Variants in ARAP1 observed in about 807,000 individuals in gnomAD.
ARAP1 encodes ArfGAP with RhoGAP domain, ankyrin repeat and PH domain 1.
A neutral mutation model predicts 172.2 loss-of-function variants in ARAP1; 76 were observed. The ratio of observed to expected loss-of-function variants is 0.44; its 90% CI spans 0.37 to 0.53. The LOEUF is 0.53. Among genes scored for constraint, ARAP1 ranks in the 20% least tolerant of loss-of-function variants. The probability of loss-of-function intolerance (pLI) is 0.00; values close to 1 mark genes in which losing one functional copy is unlikely to be tolerated. For synonymous variants in ARAP1, 804 were observed against 803.3 expected, an observed-to-expected ratio of 1.00 and a Z score of -0.01; for missense variants, 1,686 against 1,977.5, an observed-to-expected ratio of 0.85 and a Z score of 2.80.
chr11:72,749,975 C>G (rs1858487345), intron 1 of ARAP1, among the ~76,000 whole-genome samples: 1 of 152,098 alleles, frequency 6.6e-6, no homozygotes, highest in African/African-American at 2.4e-5. Flanking sequence ...TCTGTGTGAT[C>G]CTACCCTCAT....
At chr11:72,709,807 G>T (rs898877031) in intron 11 of ARAP1, 63 bp downstream of exon 11, 2 of 1,559,288 alleles carry the variant, frequency 1.3e-6, no homozygotes, top group South Asian at 1.1e-5. Context: ...TTCCCACGTC[G>T]CGCAAAAGGA....
chr11:72,716,724 C>G (rs1291031258), intron 3 of ARAP1, among the ~76,000 whole-genome samples: 1 of 152,270 alleles, frequency 6.6e-6, no homozygotes, highest in Non-Finnish European at 1.5e-5. Flanking sequence ...CAGTCCTTCA[C>G]TCCTGAGCTG....
chr11:72,712,336 G>A lies in ARAP1; in HGVS notation c.882C>T (p.Gly294=), dbSNP rs758779549. The change falls in exon 7 of 35, where the codon GGC becomes GGT. Residue 294 remains glycine (G), a synonymous_variant. Transcript: ENST00000393609. ...AGCTCAGGCTGCTGGTATGCCATCC[G>A]CCACTAGCGAGAGATGAGGGGATGG... The part of the protein sequence containing the change: ...DDHAYEGVPN[G]GWHTSSLSLS... 17 of 1,548,762 alleles carry A rather than the reference G, an allele frequency of 1.1e-5. No homozygotes were observed. Among genetic ancestry groups the A allele is most frequent in the African/African-American group, 1.4e-5 (1 of 73,392 alleles).
chr11:72,745,588 A>G lies in ARAP1; in HGVS notation c.-128+6740T>C, dbSNP rs555136418. 4.5e-4 allele frequency among the ~76,000 whole-genome samples: 68 copies of G among 151,398 alleles called. No homozygotes were observed. In the South Asian group the frequency reaches 0.014, roughly 30 times the overall value. Reference sequence around the variant, plus strand: ...GCAGAACTGGGCCCCTCCTACCCCAACCCATGAGGAATGCTGACCATACCC... The same window carrying G: ...GCAGAACTGGGCCCCTCCTACCCCAGCCCATGAGGAATGCTGACCATACCC... On this transcript the variant is annotated intron_variant, in intron 1 of 34. Transcript: ENST00000393609.
intron 3 of ARAP1, chr11:72,722,379 A>C: frequency 1.0e-6 from 1 of 984,734 alleles, no homozygotes; most frequent in Non-Finnish European, 1.2e-6. Context: ...CCCCCGGGGC[A>C]GACACTTCCT....
At chr11:72,686,547 C>T (rs1855693362) in intron 33 of ARAP1, among the ~76,000 whole-genome samples, 1 of 152,130 alleles carries the variant, frequency 6.6e-6, no homozygotes, top group Admixed American at 6.5e-5. Context: ...GCTAAAAGAA[C>T]ACAGCTCCAA....
chr11:72,695,241 T>C lies in ARAP1; in HGVS notation c.3577-144A>G, dbSNP rs1033915569. ...AGAGAGGGGTATTTCTGAGTGGTCCTTAGGAGCAGACCCCAGCACCAGCCA... is the reference window on the plus strand; with the variant it reads ...AGAGAGGGGTATTTCTGAGTGGTCCCTAGGAGCAGACCCCAGCACCAGCCA... On this transcript the variant is annotated intron_variant, in intron 26 of 34. Coordinates refer to ENST00000393609, the MANE Select transcript of ARAP1 (RefSeq NM_001040118.3). This position sits in a 1 kb window ranked among gnomAD's most constrained non-coding sequence, Gnocchi z 4.4. 7.4e-7 allele frequency: 1 copy of C among 1,347,960 alleles called. No homozygotes were observed. Among genetic ancestry groups the C allele is most frequent in the Admixed American group, 1.8e-5 (1 of 55,884 alleles). The allele number at this position is 1,347,960 out of a possible 1,614,324, so 83.5% of individuals were successfully genotyped here.
Position 72,696,540 on chromosome 11 carries a change from G to GT in ARAP1, c.3272+8dup. 6.5e-7 allele frequency: 1 copy of GT among 1,527,946 alleles called. No individual in the cohort carries two copies. Among genetic ancestry groups the GT allele is most frequent in the Non-Finnish European group, 8.8e-7 (1 of 1,133,146 alleles). 94.6% of individuals were successfully genotyped at this position (1,527,946 alleles called of 1,614,324 possible). A position where few individuals can be genotyped will look rare whatever the true frequency, so the allele number is the denominator to read the frequency against. On this transcript the variant is annotated intron_variant, in intron 23 of 34. Transcript: ENST00000393609. ...CCCCCCAGAATCTCACAATGGTATCGTCCCTCACCAGTACAGGTGGCTGAT... is the reference window on the plus strand; with the variant it reads ...CCCCCCAGAATCTCACAATGGTATCGTTCCCTCACCAGTACAGGTGGCTGAT...
chr11:72,689,798 G>A (rs1855861447), intron 30 of ARAP1, among the ~76,000 whole-genome samples: 1 of 152,250 alleles, frequency 6.6e-6, no homozygotes, highest in Admixed American at 6.5e-5. Flanking sequence ...CAACTGGGCT[G>A]CAGGCATGGA....
At chr11:72,750,851 G>C (rs902189193) in intron 1 of ARAP1, among the ~76,000 whole-genome samples, 4 of 152,212 alleles carry the variant, frequency 2.6e-5, no homozygotes, top group Non-Finnish European at 5.9e-5. Flanking sequence ...AAGACTGAAG[G>C]CTGGGCAGGA....
At chr11:72,743,460 G>T (rs1039537192) in intron 1 of ARAP1, among the ~76,000 whole-genome samples, 2 of 152,148 alleles carry the variant, frequency 1.3e-5, no homozygotes, top group African/African-American at 4.8e-5. Context: ...GAAGAGGGTG[G>T]CCAGGGGCAG....
intron 18 of ARAP1, among the ~76,000 whole-genome samples, chr11:72,698,444 C>T (rs2135509922): frequency 6.6e-6 from 1 of 152,356 alleles, no homozygotes; most frequent in South Asian, 2.1e-4. Context: ...CTCCCCCACC[C>T]ACATGGGTGC....
At position 72,727,059 on chromosome 11, in the gene ARAP1, T is replaced by C. The variant is rs1163366778; in HGVS notation, c.70A>G (p.Thr24Ala). ...WLRALHLEQY[T>A]GLFEQHGLVW... ...AGGCCATGCTGCTCAAAGAGCCCCGTGTACTGCTCCAGGTGCAATGCCCGC... is the reference window on the plus strand; with the variant it reads ...AGGCCATGCTGCTCAAAGAGCCCCGCGTACTGCTCCAGGTGCAATGCCCGC... The change falls in exon 3 of 35, where the codon ACG (threonine) becomes GCG (alanine). Residue 24 changes from threonine (T) to alanine (A), a missense_variant. Around this residue, in one of 5 missense-constraint regions of ARAP1, gnomAD observed 190 missense variants for 228.6 expected, o/e 0.83. Coordinates refer to ENST00000393609, the MANE Select transcript of ARAP1 (RefSeq NM_001040118.3). 2 of 1,607,026 alleles carry C rather than the reference T, an allele frequency of 1.2e-6. No homozygotes were observed. Among genetic ancestry groups the C allele is most frequent in the Non-Finnish European group, 1.7e-6 (2 of 1,175,332 alleles).
At chr11:72,702,107 C>A (rs1266087602) in intron 15 of ARAP1, among the ~76,000 whole-genome samples, 2 of 152,240 alleles carry the variant, frequency 1.3e-5, no homozygotes, top group Admixed American at 1.3e-4. Flanking sequence ...GGGCATTGGG[C>A]AAACTCAATA....
intron 1 of ARAP1, among the ~76,000 whole-genome samples, chr11:72,745,182 CTTTTT>C (rs902550014): frequency 1.1e-5 from 1 of 88,312 alleles, no homozygotes; most frequent in African/African-American, 4.9e-5. Flanking sequence ...AAGTTTCTTT[CTTTTT>C]TTTTTTTTTT....
rs903870243 is a variant in ARAP1 at position 72,706,816 on chromosome 11, C to T, written c.1723+359G>A. ...AGCTCCTCCCTCTGCATGCAAAGCC[C>T]TGCCTGGCCCCTGCCAACTCCTCTT... On this transcript the variant is annotated intron_variant, in intron 12 of 34. Coordinates refer to ENST00000393609, the MANE Select transcript of ARAP1 (RefSeq NM_001040118.3). Among the ~76,000 whole-genome samples the T allele has an allele frequency of 3.9e-5, 6 of 152,364 alleles. No homozygotes were observed. In the South Asian group the frequency reaches 8.3e-4, roughly 21 times the overall value.
At position 72,711,461 on chromosome 11, in the gene ARAP1, G is replaced by T; in HGVS notation, c.1061C>A (p.Thr354Asn). 1 of 1,613,230 alleles carries T rather than the reference G, an allele frequency of 6.2e-7. No individual in the cohort carries two copies. The highest frequency in any genetic ancestry group is 1.3e-5 in the African/African-American group (1 of 75,022). The stretch of plus-strand genomic sequence containing the variant: ...ACTGTCAAAGTATCGCAGGTGATCA[G>T]TATCCAGTCTCACCCATCGTTTCTG... ...IYQKRWVRLD[T>N]DHLRYFDSNK... Residue 354 changes from threonine to asparagine, a missense_variant, in exon 8 of 35, where the codon ACT becomes AAT. Coordinates refer to ENST00000393609, the MANE Select transcript of ARAP1 (RefSeq NM_001040118.3).
intron 3 of ARAP1, among the ~76,000 whole-genome samples, chr11:72,720,155 T>C (rs1351230961): frequency 6.6e-6 from 1 of 152,166 alleles, no homozygotes; most frequent in Non-Finnish European, 1.5e-5. Flanking sequence ...CCCTGGACTC[T>C]CACCATCAGG....
At chr11:72,700,035 T>G in intron 16 of ARAP1, 1 of 178,530 alleles carries the variant, frequency 5.6e-6, no homozygotes, top group Admixed American at 5.6e-5. Context: ...TCCAGAAGCA[T>G]CTATCACTCT....
Sources: allele counts gnomAD v4.1 joint callset (sites outside exome capture counted in the v4.1 genomes callset), GRCh38; gene constraint gnomAD v4.1.1; regional missense constraint gnomAD v4.1.1; non-coding constraint Gnocchi (gnomAD v3.1); transcripts MANE v1.5; gene names NCBI Gene and HGNC (gene_info 2026-07-23, HGNC 2026-07-21).